The following SCAPER variants were observed in gnomAD, a reference collection of about 807,000 sequenced individuals.
The protein encoded by SCAPER is S phase cyclin A-associated protein in the endoplasmic reticulum.
A neutral mutation model predicts 182.2 loss-of-function variants in SCAPER; 98 were observed. The ratio of observed to expected loss-of-function variants is 0.54; its 90% CI spans 0.46 to 0.64. The LOEUF (loss-of-function observed/expected upper bound fraction) is 0.64. SCAPER is among the 30% of genes least tolerant of loss of function. SCAPER has a pLI of 0.00. For synonymous variants in SCAPER, 605 were observed against 564.6 expected (o/e 1.07, Z -1.01); for missense variants, 1,432 against 1,690.0 (o/e 0.85, Z 2.68).
At chr15:76,623,701 T>C (rs1383333312) in intron 21 of SCAPER, among the ~76,000 whole-genome samples, 1 of 152,218 alleles carries the variant, frequency 6.6e-6, no homozygotes, top group African/African-American at 2.4e-5. Flanking sequence ...ATTTTGCTCT[T>C]TTTGCTTAGG....
intron 25 of SCAPER, among the ~76,000 whole-genome samples, chr15:76,466,823 G>C (rs1260684332): frequency 6.6e-6 from 1 of 151,946 alleles, no homozygotes; most frequent in African/African-American, 2.4e-5. Context: ...AGAGATGCTT[G>C]CTGCTTTCTT....
In SCAPER at chr15:76,793,399, C is replaced by A. The variant is rs3102707; in HGVS notation, c.772+1881G>T. The stretch of plus-strand genomic sequence containing the variant: ...CAGGATGGAAGCTGGTCACTGGAAA[C>A]AACAAGGCAGTATTAGAACACTGGG... On this transcript the variant is annotated intron_variant, in intron 8 of 31. Transcript: ENST00000563290. 608,551 of 614,652 alleles carry A rather than the reference C, an allele frequency of 0.99. 301,494 individuals carry two copies. The highest frequency in any genetic ancestry group is 1 in the East Asian group (34,589 of 34,590). The allele number at this position is 614,652 out of a possible 1,614,324, so 38.1% of individuals were successfully genotyped here.
At chr15:76,479,629 GA>G (rs1173596583) in intron 24 of SCAPER, among the ~76,000 whole-genome samples, 1 of 152,130 alleles carries the variant, frequency 6.6e-6, no homozygotes, top group Admixed American at 6.5e-5. Flanking sequence ...GACAGTAATA[GA>G]ATACAAGTGT....
intron 21 of SCAPER, among the ~76,000 whole-genome samples, chr15:76,636,384 G>C (rs1470025345): frequency 6.6e-6 from 1 of 151,530 alleles, no homozygotes; most frequent in Non-Finnish European, 1.5e-5. Flanking sequence ...TAAGCTTTTT[G>C]GTTAGTCTAC....
At chr15:76,609,034 C>A (rs1425513925) in intron 22 of SCAPER, among the ~76,000 whole-genome samples, 1 of 152,206 alleles carries the variant, frequency 6.6e-6, no homozygotes, top group Non-Finnish European at 1.5e-5. Context: ...TACCGTCCTG[C>A]CCCTACTGTC....
chr15:76,818,837 G>A (rs895076525), intron 5 of SCAPER, among the ~76,000 whole-genome samples: 2 of 152,256 alleles, frequency 1.3e-5, no homozygotes, highest in Admixed American at 6.5e-5. Context: ...CCCTTTCCTA[G>A]TCAAAGAAAG....
In SCAPER at chr15:76,598,550, C is replaced by T. The variant is rs2049676206; in HGVS notation, c.2711+23214G>A. On this transcript the variant is annotated intron_variant, in intron 22 of 31. Transcript: ENST00000563290. ...ACAATAGCAAAGACTTGGAACCAAC[C>T]CAAATGCCCATCAATGATAGACTGG... Among the ~76,000 whole-genome samples the T allele has an allele frequency of 1.6e-5, 2 of 121,254 alleles. 1 individual carries two copies. Among genetic ancestry groups the T allele is most frequent in the Non-Finnish European group, 4.0e-5 (2 of 49,900 alleles). 79.5% of individuals were successfully genotyped at this position (121,254 alleles called of 152,430 possible).
At chr15:76,395,931 C>A (rs2044019706) in intron 27 of SCAPER, among the ~76,000 whole-genome samples, 1 of 152,132 alleles carries the variant, frequency 6.6e-6, no homozygotes, top group South Asian at 2.1e-4. Context: ...GTACAATGTC[C>A]TTAAGAGTTT....
At position 76,583,042 on chromosome 15, in the gene SCAPER, T is replaced by C. The variant is rs78241629; in HGVS notation, c.2712-8758A>G. ...GACACTAAAGAAACTCTCCAGTACATTGGACTGAGCAAAAATTTCCTGAGT... is the reference window on the plus strand; with the variant it reads ...GACACTAAAGAAACTCTCCAGTACACTGGACTGAGCAAAAATTTCCTGAGT... On this transcript the variant is annotated intron_variant, in intron 22 of 31. Transcript: ENST00000563290. 5.7e-3 allele frequency among the ~76,000 whole-genome samples: 866 copies of C among 152,220 alleles called. 4 individuals carry two copies. Among genetic ancestry groups the C allele is most frequent in the Non-Finnish European group, 7.4e-3 (506 of 68,004 alleles).
At position 76,744,452 on chromosome 15, in the gene SCAPER, A is replaced by G. The variant is rs2061693217; in HGVS notation, c.1866+9356T>C. On this transcript the variant is annotated intron_variant, in intron 15 of 31. Coordinates refer to ENST00000563290, the MANE Select transcript of SCAPER (RefSeq NM_020843.4). ...AAATCAACAAGCAAAAAAACAAATA[A>G]CCCCATTTTTAAAAATGAGCAAAAG... Among the ~76,000 whole-genome samples the G allele has an allele frequency of 2.0e-5, 3 of 152,076 alleles. No individual in the cohort carries two copies. The East Asian group carries it at 5.8e-4, about 29-fold the overall frequency.
At chr15:76,717,136 G>C (rs1428455146) in intron 17 of SCAPER, among the ~76,000 whole-genome samples, 5 of 61,720 alleles carry the variant, frequency 8.1e-5, no homozygotes, top group Non-Finnish European at 1.3e-4. Flanking sequence ...TCAAAATGAT[G>C]AAAGGGAAAA....
At chr15:76,781,600 G>A (rs1162166341) in intron 8 of SCAPER, among the ~76,000 whole-genome samples, 1 of 152,110 alleles carries the variant, frequency 6.6e-6, no homozygotes, top group Non-Finnish European at 1.5e-5. Flanking sequence ...GATTCATCAA[G>A]GTTGAAATGA....
At chr15:76,495,873 T>G (rs995882630) in intron 24 of SCAPER, among the ~76,000 whole-genome samples, 1 of 152,114 alleles carries the variant, frequency 6.6e-6, no homozygotes, top group African/African-American at 2.4e-5. Context: ...CACTGTTAAA[T>G]GTAAATAATA....
intron 18 of SCAPER, among the ~76,000 whole-genome samples, chr15:76,705,690 T>G (rs924088195): frequency 6.6e-6 from 1 of 152,056 alleles, no homozygotes; most frequent in Admixed American, 6.6e-5. Flanking sequence ...AATGTTAAAC[T>G]TCCTTAAATT....
chr15:76,868,953 T>C (rs2072500920), intron 2 of SCAPER, among the ~76,000 whole-genome samples: 1 of 152,038 alleles, frequency 6.6e-6, no homozygotes, highest in Non-Finnish European at 1.5e-5. Flanking sequence ...AACCCAGAGA[T>C]AAACCCATGC....
At chr15:76,606,436 A>G (rs1232677073) in intron 22 of SCAPER, among the ~76,000 whole-genome samples, 1 of 152,148 alleles carries the variant, frequency 6.6e-6, no homozygotes, top group Non-Finnish European at 1.5e-5. Context: ...TTTACTTCCA[A>G]CTATGTGGTC....
At chr15:76,453,825 C>T (rs2048538205) in intron 25 of SCAPER, among the ~76,000 whole-genome samples, 1 of 152,198 alleles carries the variant, frequency 6.6e-6, no homozygotes, top group African/African-American at 2.4e-5. Context: ...ATAAATACTT[C>T]TCTCTCACTG....
chr15:76,776,428 A>G (rs1223950558), intron 8 of SCAPER, among the ~76,000 whole-genome samples: 1 of 152,020 alleles, frequency 6.6e-6, no homozygotes, highest in Non-Finnish European at 1.5e-5. Context: ...CTATCCAAGT[A>G]GCATCAGTAG....
At chr15:76,637,740 ATATGTGTGTGTG>A (rs1288561394) in intron 21 of SCAPER, among the ~76,000 whole-genome samples, 831 of 31,934 alleles carry the variant, frequency 0.026, 20 homozygotes, top group African/African-American at 0.056. Flanking sequence ...ATATATATAT[ATATGTGTGTGTG>A]TGTGTGTGTG....
Sources: allele counts gnomAD v4.1 joint callset (sites outside exome capture counted in the v4.1 genomes callset), GRCh38; gene constraint gnomAD v4.1.1; transcripts MANE v1.5; gene names NCBI Gene and HGNC (gene_info 2026-07-23, HGNC 2026-07-21).